PDS5B: variants seen among roughly 807,000 people sequenced by gnomAD.
PDS5B encodes the protein PDS5 cohesin associated factor B, also known as sister chromatid cohesion protein PDS5 homolog B.
Under a neutral mutation model 184.1 loss-of-function variants are expected in PDS5B, and 51 were observed. The ratio of observed to expected loss-of-function variants is 0.28; its 90% CI spans 0.22 to 0.35. The LOEUF (loss-of-function observed/expected upper bound fraction) is 0.35. Ranked by LOEUF, PDS5B falls within the 10% of genes least tolerant of loss-of-function variation. PDS5B has a pLI of 1.00. For missense variants in PDS5B, 1,180 were observed against 1,723.3 expected, an observed-to-expected ratio of 0.68 and a Z score of 5.58; for synonymous variants, 566 against 569.2, an observed-to-expected ratio of 0.99 and a Z score of 0.08.
intron 31 of PDS5B, among the ~76,000 whole-genome samples, chr13:32,764,847 A>G (rs1226888794): frequency 6.6e-6 from 1 of 152,046 alleles, no homozygotes; most frequent in Non-Finnish European, 1.5e-5. Context: ...TGCATACTCA[A>G]CTGCTTGGTT....
At chr13:32,618,499 C>A (rs2058250531) in intron 1 of PDS5B, among the ~76,000 whole-genome samples, 1 of 148,560 alleles carries the variant, frequency 6.7e-6, no homozygotes, top group South Asian at 2.1e-4. Flanking sequence ...TGTAATACTA[C>A]TGGCCCATTA....
At chr13:32,734,011 C>CACACACACACACACACAA (rs1341139943) in intron 20 of PDS5B, among the ~76,000 whole-genome samples, 3 of 151,374 alleles carry the variant, frequency 2.0e-5, no homozygotes, top group African/African-American at 7.3e-5. Flanking sequence ...CACACACACA[C>CACACACACACACACACAA]ACAAACATAT....
intron 7 of PDS5B, among the ~76,000 whole-genome samples, chr13:32,670,326 C>CT (rs1950903658): frequency 6.6e-6 from 1 of 152,162 alleles, no homozygotes; most frequent in African/African-American, 2.4e-5. Flanking sequence ...AAGTGATCCT[C>CT]TCACTTCAGC....
chr13:32,758,457 T>C (rs1954263285), intron 27 of PDS5B, 77 bp from the exon 28 acceptor site: 1 of 1,383,410 alleles, frequency 7.2e-7, no homozygotes, highest in Non-Finnish European at 1.0e-6. Context: ...TGGATTCATG[T>C]TCTGAAATTA....
chr13:32,758,201 T>TA lies in PDS5B; in HGVS notation c.3171_3172insA (p.Asp1058ArgfsTer6). On this transcript the variant is annotated frameshift_variant, in exon 27 of 35. Transcript: ENST00000315596. LOFTEE classifies it high-confidence loss of function. The stretch of plus-strand genomic sequence containing the variant: ...AAACAAAAGATGCCCAAGGACCAGA[T>TA]GATGCAAAAATGAATGAAGTATGTA... 1 of 1,536,228 alleles carries TA rather than the reference T, an allele frequency of 6.5e-7. No individual in the cohort carries two copies. The highest frequency in any genetic ancestry group is 8.8e-7 in the Non-Finnish European group (1 of 1,132,496).
At chr13:32,656,283 T>TTTTC (rs1326821816) in intron 3 of PDS5B, among the ~76,000 whole-genome samples, 1 of 149,494 alleles carries the variant, frequency 6.7e-6, no homozygotes, top group African/African-American at 2.5e-5. Context: ...CTTTTTTTTT[T>TTTTC]TTTTTTTTTG....
chr13:32,716,903 T>C (rs1290665293), intron 19 of PDS5B, among the ~76,000 whole-genome samples: 753 of 73,642 alleles, frequency 0.01, 3 homozygotes, highest in Non-Finnish European at 0.014. Context: ...TGCCTTTGCC[T>C]GGCCGCCCCT....
At chr13:32,742,489 TAA>T in intron 22 of PDS5B, 100 bp from the exon 23 acceptor site, 1 of 933,704 alleles carries the variant, frequency 1.1e-6, no homozygotes, top group Non-Finnish European at 1.6e-6. Context: ...TTTCTTTTCT[TAA>T]AAAGCATCCA....
At chr13:32,626,241 AG>A (rs1364615853) in intron 1 of PDS5B, among the ~76,000 whole-genome samples, 4 of 152,206 alleles carry the variant, frequency 2.6e-5, no homozygotes, top group African/African-American at 7.2e-5. Flanking sequence ...GAAGTGCTAG[AG>A]GCCCCTGTGA....
At chr13:32,716,909 C>T (rs1290517831) in intron 19 of PDS5B, among the ~76,000 whole-genome samples, 1 of 104,584 alleles carries the variant, frequency 9.6e-6, no homozygotes, top group African/African-American at 3.5e-5. Flanking sequence ...TGCCTGGCCG[C>T]CCCTACTGGG....
chr13:32,653,975 A>G (rs1266111176), intron 3 of PDS5B, among the ~76,000 whole-genome samples: 2 of 152,238 alleles, frequency 1.3e-5, no homozygotes, highest in Non-Finnish European at 2.9e-5. Flanking sequence ...CTCCCTAAAG[A>G]ATAGCTACAT....
chr13:32,600,973 G>A lies in PDS5B; in HGVS notation c.-20+14380G>A, dbSNP rs142620165. On this transcript the variant is annotated intron_variant, in intron 1 of 34. Transcript: ENST00000315596. ...TTTATATTTTTGAGGCTTCCCTACC[G>A]TAGCTCTCTCCTTTGAATTTTCCCT... 9.2e-5 allele frequency among the ~76,000 whole-genome samples: 14 copies of A among 152,218 alleles called. No individual in the cohort carries two copies. In the East Asian group the frequency reaches 2.5e-3, roughly 27 times the overall value.
chr13:32,592,502 C>T (rs1415741903), intron 1 of PDS5B, among the ~76,000 whole-genome samples: 1 of 152,100 alleles, frequency 6.6e-6, no homozygotes, highest in African/African-American at 2.4e-5. Flanking sequence ...GGTGATCTGC[C>T]CGCCTTGGCC....
intron 5 of PDS5B, among the ~76,000 whole-genome samples, chr13:32,658,802 A>T (rs772516412): frequency 2.6e-5 from 4 of 152,186 alleles, no homozygotes; most frequent in Non-Finnish European, 5.9e-5. Context: ...TTCTTAATGC[A>T]TATGGCTATT....
At chr13:32,744,120 C>T (rs1953662824) in intron 23 of PDS5B, among the ~76,000 whole-genome samples, 1 of 152,120 alleles carries the variant, frequency 6.6e-6, no homozygotes, top group Non-Finnish European at 1.5e-5. Context: ...TGAGGTTCTA[C>T]CATTTATCAG....
At chr13:32,685,995 AATGAG>A (rs1432306922) in intron 11 of PDS5B, among the ~76,000 whole-genome samples, 5 of 152,340 alleles carry the variant, frequency 3.3e-5, no homozygotes, top group African/African-American at 9.6e-5. Context: ...TTGGTGGATG[AATGAG>A]ATAAGAACTA....
At chr13:32,671,798 G>A (rs1026841559) in intron 7 of PDS5B, among the ~76,000 whole-genome samples, 4 of 152,192 alleles carry the variant, frequency 2.6e-5, no homozygotes, top group Admixed American at 2.0e-4. Flanking sequence ...TAAGCCAGTT[G>A]TGTGTTAACT....
intron 9 of PDS5B, among the ~76,000 whole-genome samples, chr13:32,678,585 G>A (rs969205433): frequency 1.3e-5 from 2 of 152,164 alleles, no homozygotes; most frequent in African/African-American, 4.8e-5. Context: ...TGAGCCAAAT[G>A]TATATGGTTT....
At chr13:32,698,758 T>TC (rs1951780922) in intron 15 of PDS5B, among the ~76,000 whole-genome samples, 1 of 151,586 alleles carries the variant, frequency 6.6e-6, no homozygotes, top group Admixed American at 6.6e-5. Flanking sequence ...CAGAGTTCTC[T>TC]CTTTTTTTTT....
Sources: gnomAD v4.1 joint callset for allele counts (sites outside exome capture counted in the v4.1 genomes callset) on GRCh38, gnomAD v4.1.1 for gene constraint, MANE v1.5 for transcripts, NCBI Gene and HGNC (gene_info 2026-07-23, HGNC 2026-07-21) for gene names.